The following RPTOR variants were observed in gnomAD, a reference collection of about 807,000 sequenced individuals.
The protein encoded by RPTOR is regulatory associated protein of MTOR complex 1.
Under a neutral mutation model 169.9 loss-of-function variants are expected in RPTOR, and 21 were observed. That is an observed-to-expected ratio of 0.12 (90% CI 0.09 to 0.18). RPTOR has a LOEUF of 0.18. Among genes scored for constraint, RPTOR ranks in the 10% least tolerant of loss-of-function variants. The pLI, the probability that RPTOR is intolerant of heterozygous loss-of-function variation, is 1.00. For synonymous variants in RPTOR, 732 were observed against 753.2 expected, an observed-to-expected ratio of 0.97 and a Z score of 0.46; for missense variants, 1,133 against 1,855.9, an observed-to-expected ratio of 0.61 and a Z score of 7.16.
At chr17:80,869,047 A>T (rs1375355953) in intron 13 of RPTOR, among the ~76,000 whole-genome samples, 4 of 152,200 alleles carry the variant, frequency 2.6e-5, no homozygotes, top group African/African-American at 7.2e-5. Context: ...CAAAATCTTC[A>T]AATTCCGTAC....
intron 20 of RPTOR, among the ~76,000 whole-genome samples, chr17:80,899,007 T>C (rs1414055717): frequency 1.3e-5 from 2 of 151,720 alleles, no homozygotes; most frequent in East Asian, 1.9e-4. Context: ...ATAGAACGAG[T>C]CCAGAGCTTG....
intron 3 of RPTOR, among the ~76,000 whole-genome samples, chr17:80,675,062 C>G (rs1415045009): frequency 2.0e-5 from 3 of 152,178 alleles, no homozygotes; most frequent in Non-Finnish European, 4.4e-5. Context: ...GGATGATTCT[C>G]AGTTCGCAGA....
rs144071963 is a variant in RPTOR at position 80,823,192 on chromosome 17, C to G, written c.1105C>G (p.Arg369Gly). 6.8e-6 allele frequency: 11 copies of G among 1,614,016 alleles called. No individual in the cohort carries two copies. Among genetic ancestry groups the G allele is most frequent in the Non-Finnish European group, 8.5e-6 (10 of 1,180,016 alleles). Residue 369 changes from arginine (R) to glycine (G), a missense_variant, in exon 9 of 34, where the codon CGT becomes GGT. This residue lies in a region of RPTOR where 289 missense variants were observed against 585.8 expected (regional missense o/e 0.49). Transcript: ENST00000306801. The surrounding 1 kb of genome is among the most constrained non-coding windows in gnomAD (Gnocchi z 4.5). ...SYNCTPVSSP[R>G]LPPTYMHAMW... ...TAACTGCACTCCCGTCAGCAGCCCG[C>G]GTCTGCCGCCCACGTACATGCACGC...
intron 1 of RPTOR, among the ~76,000 whole-genome samples, chr17:80,576,777 C>T (rs1442547077): frequency 2.0e-5 from 3 of 152,196 alleles, no homozygotes; most frequent in Non-Finnish European, 4.4e-5. Context: ...GACCTTGGCT[C>T]ACTGCAACCT....
intron 1 of RPTOR, among the ~76,000 whole-genome samples, chr17:80,589,299 T>G (rs2065086049): frequency 6.6e-6 from 1 of 152,134 alleles, no homozygotes; most frequent in Non-Finnish European, 1.5e-5. Flanking sequence ...TGGGTCTGTT[T>G]CTGGCCCTTT....
chr17:80,744,019 C>A, intron 5 of RPTOR, among the ~76,000 whole-genome samples: 1 of 44,690 alleles, frequency 2.2e-5, no homozygotes, highest in Admixed American at 2.0e-4. Flanking sequence ...ACTAGCACAG[C>A]CCTGGTTACT....
intron 1 of RPTOR, among the ~76,000 whole-genome samples, chr17:80,583,182 G>GTTTTGTTT (rs2065030006): frequency 1.3e-5 from 1 of 79,270 alleles, no homozygotes; most frequent in Non-Finnish European, 2.4e-5. Context: ...CCTCTTTCCT[G>GTTTTGTTT]TTTTTTTTTT....
chr17:80,571,362 A>T (rs922830435), intron 1 of RPTOR, among the ~76,000 whole-genome samples: 2 of 152,202 alleles, frequency 1.3e-5, no homozygotes, highest in African/African-American at 4.8e-5. Flanking sequence ...TCTATTTACA[A>T]TTCCATCAGT....
At chr17:80,787,861 G>A (rs1173121447) in intron 6 of RPTOR, among the ~76,000 whole-genome samples, 1 of 152,144 alleles carries the variant, frequency 6.6e-6, no homozygotes, top group Non-Finnish European at 1.5e-5. Context: ...TAATGCTCTT[G>A]TGGATTTATA....
At chr17:80,799,066 G>T (rs553082504) in intron 7 of RPTOR, among the ~76,000 whole-genome samples, 4 of 152,322 alleles carry the variant, frequency 2.6e-5, no homozygotes, top group Non-Finnish European at 5.9e-5. Flanking sequence ...AGACCCTCCC[G>T]AGCGTGATAT....
chr17:80,961,650 C>G, intron 31 of RPTOR, 170 bp downstream of exon 31: 1 of 750,104 alleles, frequency 1.3e-6, no homozygotes, highest in African/African-American at 1.8e-5. Context: ...CGTAGGGGCC[C>G]AGGGGCCACA....
At position 80,883,722 on chromosome 17, in the gene RPTOR, C is replaced by T. The variant is rs2068210892; in HGVS notation, c.1651-59C>T. The T allele has an allele frequency of 2.5e-6, 4 of 1,569,758 alleles. No homozygotes were observed. The South Asian group carries it at 3.3e-5, about 13-fold the overall frequency. On this transcript the variant is annotated intron_variant, in intron 15 of 33. Coordinates refer to ENST00000306801, the MANE Select transcript of RPTOR (RefSeq NM_020761.3). Reference sequence around the variant, plus strand: ...GCCACCGTTGTCCCGTGCAGGTACCCACCACGTGCCTGCCATTGGCAGGCA... The same window carrying T: ...GCCACCGTTGTCCCGTGCAGGTACCTACCACGTGCCTGCCATTGGCAGGCA...
Position 80,898,783 on chromosome 17 carries a change from T to C in RPTOR, c.2401+4918T>C, listed in dbSNP as rs561721280. ...CCCGCCGTCTCCGTCTAGTGAGTTT[T>C]GATGATGGGCTTTTCACTTGTGTTC... On this transcript the variant is annotated intron_variant, in intron 20 of 33. Coordinates refer to ENST00000306801, the MANE Select transcript of RPTOR (RefSeq NM_020761.3). Among the ~76,000 whole-genome samples, 81 of 151,140 alleles carry C rather than the reference T, an allele frequency of 5.4e-4. No individual in the cohort carries two copies. In the Middle Eastern group the frequency reaches 0.01, roughly 19 times the overall value.
intron 3 of RPTOR, among the ~76,000 whole-genome samples, chr17:80,654,831 G>T (rs1375539935): frequency 6.6e-6 from 1 of 152,198 alleles, no homozygotes; most frequent in Non-Finnish European, 1.5e-5. Flanking sequence ...AGTCATAAAA[G>T]AGTGCTTTGC....
At chr17:80,934,673 TA>T (rs1225802482) in intron 24 of RPTOR, among the ~76,000 whole-genome samples, 1 of 152,278 alleles carries the variant, frequency 6.6e-6, no homozygotes, top group South Asian at 2.1e-4. Context: ...AGTTTTTAAC[TA>T]AAAACTCAAC....
At chr17:80,954,868 G>C (rs990769558) in intron 28 of RPTOR, among the ~76,000 whole-genome samples, 5 of 152,004 alleles carry the variant, frequency 3.3e-5, no homozygotes, top group African/African-American at 1.2e-4. Flanking sequence ...AGTGAGCCAA[G>C]ATCACACCAC....
chr17:80,743,765 T>A (rs528918725), intron 5 of RPTOR, among the ~76,000 whole-genome samples: 8,524 of 76,812 alleles, frequency 0.11, 1,196 homozygotes, highest in African/African-American at 0.12. Context: ...CTACTAGCAC[T>A]CTCCTGGTTA....
chr17:80,622,860 G>T (rs2065364787), intron 1 of RPTOR, among the ~76,000 whole-genome samples: 1 of 152,180 alleles, frequency 6.6e-6, no homozygotes, highest in Admixed American at 6.5e-5. Flanking sequence ...CCAAGATTAT[G>T]TCGCTGCACT....
At chr17:80,900,604 C>T (rs1307157269) in intron 20 of RPTOR, among the ~76,000 whole-genome samples, 3 of 152,262 alleles carry the variant, frequency 2.0e-5, no homozygotes, top group African/African-American at 7.2e-5. Flanking sequence ...GCATGAGCCA[C>T]TGTGCTCGAC....
Sources: allele counts gnomAD v4.1 joint callset (sites outside exome capture counted in the v4.1 genomes callset), GRCh38; gene constraint gnomAD v4.1.1; regional missense constraint gnomAD v4.1.1; non-coding constraint Gnocchi (gnomAD v3.1); transcripts MANE v1.5; gene names NCBI Gene and HGNC (gene_info 2026-07-23, HGNC 2026-07-21).